Variants in AP3S1 observed in about 807,000 individuals in gnomAD.
AP3S1 encodes adaptor related protein complex 3 subunit sigma 1.
A neutral mutation model predicts 21.3 loss-of-function variants in AP3S1; 12 were observed. That is an observed-to-expected ratio of 0.56 (90% confidence interval 0.36 to 0.91). AP3S1 has a LOEUF of 0.91. Among genes scored for constraint, AP3S1 ranks in the 40% least tolerant of loss-of-function variants. The pLI is 0.01. For missense variants in AP3S1, 116 were observed against 225.0 expected, an observed-to-expected ratio of 0.52 and a Z score of 3.10; for synonymous variants, 48 against 78.4, an observed-to-expected ratio of 0.61 and a Z score of 2.05.
intron 1 of AP3S1, among the ~76,000 whole-genome samples, chr5:115,851,887 A>G (rs956865432): frequency 1.3e-5 from 2 of 152,002 alleles, no homozygotes; most frequent in Non-Finnish European, 2.9e-5. Context: ...CATACCCAGA[A>G]AATATTTTTT....
chr5:115,885,108 G>C (rs571446997), intron 3 of AP3S1, among the ~76,000 whole-genome samples: 1 of 152,248 alleles, frequency 6.6e-6, no homozygotes, highest in African/African-American at 2.4e-5. Flanking sequence ...GCTTTCTTGA[G>C]ATATTTCATT....
At chr5:115,869,432 G>A (rs1057471311) in intron 2 of AP3S1, among the ~76,000 whole-genome samples, 5 of 151,940 alleles carry the variant, frequency 3.3e-5, no homozygotes, top group Non-Finnish European at 7.4e-5. Flanking sequence ...TCTAATTTCC[G>A]CCTACTTCTC....
chr5:115,843,916 G>T (rs1475504368), intron 1 of AP3S1, among the ~76,000 whole-genome samples: 1 of 152,176 alleles, frequency 6.6e-6, no homozygotes, highest in Non-Finnish European at 1.5e-5. Flanking sequence ...TGGCAGTTTT[G>T]GCAGGAGTGG....
chr5:115,850,650 C>T (rs1380127156), intron 1 of AP3S1, among the ~76,000 whole-genome samples: 1 of 152,142 alleles, frequency 6.6e-6, no homozygotes, highest in African/African-American at 2.4e-5. Context: ...TCTTTTAGCA[C>T]GTCTTCGAAG....
chr5:115,905,700 C>CT (rs1211338736), intron 5 of AP3S1, among the ~76,000 whole-genome samples: 6 of 152,126 alleles, frequency 3.9e-5, no homozygotes, highest in Non-Finnish European at 7.4e-5. Flanking sequence ...GCTAGAATGT[C>CT]AAAAGCTTTC....
At chr5:115,905,088 C>G (rs891537136) in intron 5 of AP3S1, among the ~76,000 whole-genome samples, 8 of 152,054 alleles carry the variant, frequency 5.3e-5, no homozygotes, top group South Asian at 2.1e-4. Context: ...TCCTACTGCT[C>G]AAGGTCATCC....
intron 1 of AP3S1, chr5:115,842,429 C>T (rs1580590433): frequency 1.2e-5 from 3 of 245,628 alleles, no homozygotes; most frequent in East Asian, 8.9e-5. Context: ...GCAGCCCAGC[C>T]GCGCCGCGGA....
At chr5:115,906,295 T>A (rs867995096) in intron 5 of AP3S1, among the ~76,000 whole-genome samples, 57 of 152,302 alleles carry the variant, frequency 3.7e-4, no homozygotes, top group African/African-American at 1.3e-3. Context: ...TCAGTCTGGG[T>A]ATAATTGAGA....
At chr5:115,898,274 T>C (rs1330706935) in intron 4 of AP3S1, among the ~76,000 whole-genome samples, 1 of 152,224 alleles carries the variant, frequency 6.6e-6, no homozygotes, top group Admixed American at 6.5e-5. Context: ...CAGCCTCCAA[T>C]GTAACAGTTT....
intron 5 of AP3S1, among the ~76,000 whole-genome samples, chr5:115,910,487 T>C (rs181635710): frequency 6.6e-6 from 1 of 152,210 alleles, no homozygotes; most frequent in Non-Finnish European, 1.5e-5. Flanking sequence ...AGTTATTTTG[T>C]TGCTTTGAAT....
At chr5:115,870,252 T>C (rs1051051383) in intron 3 of AP3S1, 124 bp downstream of exon 3, 14 of 600,490 alleles carry the variant, frequency 2.3e-5, no homozygotes, top group African/African-American at 7.6e-5. Flanking sequence ...ATAATAGATA[T>C]TGTGTTGGTA....
chr5:115,842,350 T>C (rs576546137), intron 1 of AP3S1: 1 of 479,298 alleles, frequency 2.1e-6, no homozygotes, highest in Non-Finnish European at 3.5e-6. Context: ...GTGGGCTGCA[T>C]GCTTTCCTGG....
At position 115,860,531 on chromosome 5, in the gene AP3S1, A is replaced by G. The variant is rs146294145; in HGVS notation, c.70-6139A>G. ...CTTCTGCTTTTCAAACAAACTTTCC[A>G]TCCTTATTTTACAGTACTCTCTTTA... On this transcript the variant is annotated intron_variant, in intron 1 of 5. Transcript: ENST00000316788. Among the ~76,000 whole-genome samples the G allele has an allele frequency of 5.1e-3, 771 of 152,180 alleles. 2 individuals are homozygous for G. The highest frequency in any genetic ancestry group is 7.3e-3 in the South Asian group (35 of 4,824).
intron 5 of AP3S1, among the ~76,000 whole-genome samples, chr5:115,905,429 C>G (rs1398283646): frequency 1.3e-5 from 2 of 152,098 alleles, no homozygotes. Flanking sequence ...TAATTGTTAT[C>G]TGGTACCAAA....
intron 1 of AP3S1, among the ~76,000 whole-genome samples, chr5:115,856,423 A>G (rs1309668417): frequency 7.0e-6 from 1 of 143,302 alleles, no homozygotes; most frequent in African/African-American, 2.6e-5. Context: ...TAGTTAATAC[A>G]TCCAGCATCT....
intron 4 of AP3S1, among the ~76,000 whole-genome samples, chr5:115,902,553 A>G (rs77385652): frequency 6.6e-6 from 1 of 151,940 alleles, no homozygotes; most frequent in Admixed American, 6.6e-5. Context: ...AACTTCACAT[A>G]ATAATAATAA....
chr5:115,860,775 C>T (rs1004619194), intron 1 of AP3S1, among the ~76,000 whole-genome samples: 1 of 152,154 alleles, frequency 6.6e-6, no homozygotes, highest in East Asian at 1.9e-4. Flanking sequence ...ACCAAAAAAG[C>T]CCTTTAATAT....
At chr5:115,863,436 G>C (rs777400216) in intron 1 of AP3S1, among the ~76,000 whole-genome samples, 2 of 151,904 alleles carry the variant, frequency 1.3e-5, no homozygotes, top group African/African-American at 4.8e-5. Flanking sequence ...AGCTGGGCAT[G>C]GTGGCGGGAA....
intron 3 of AP3S1, among the ~76,000 whole-genome samples, chr5:115,886,888 T>G (rs541294092): frequency 6.6e-6 from 1 of 152,228 alleles, no homozygotes; most frequent in Admixed American, 6.5e-5. Context: ...GTTCATTATG[T>G]GTTAAGTGCA....
Sources: allele counts gnomAD v4.1 joint callset (sites outside exome capture counted in the v4.1 genomes callset), GRCh38; gene constraint gnomAD v4.1.1; transcripts MANE v1.5; gene names NCBI Gene and HGNC (gene_info 2026-07-23, HGNC 2026-07-21).